The following DMD variants were observed in gnomAD, a reference collection of about 807,000 sequenced individuals.
The protein encoded by DMD is mutant dystrophin.
A neutral mutation model predicts 330.1 loss-of-function variants in DMD; 63 were observed. The observed-to-expected ratio is 0.19, with a 90% CI of 0.16 to 0.24. The LOEUF (loss-of-function observed/expected upper bound fraction) is 0.24, where lower values mean the gene tolerates loss of function less well. DMD is among the 10% of genes least tolerant of loss of function. The pLI is 1.00. For missense variants in DMD, 3,344 were observed against 2,684.1 expected (o/e 1.25, Z -5.43); for synonymous variants, 1,223 against 959.8 (o/e 1.27, Z -5.07).
intron 1 of DMD, among the ~76,000 whole-genome samples, chrX:33,049,842 A>G (rs1393157576): frequency 8.9e-6 from 1 of 111,933 alleles, no homozygotes; most frequent in Non-Finnish European, 1.9e-5. Flanking sequence ...GAACTAATCT[A>G]ATCACTTCTC....
intron 44 of DMD, among the ~76,000 whole-genome samples, chrX:32,074,448 A>G (rs151312520): frequency 2.7e-5 from 3 of 112,394 alleles, no homozygotes; most frequent in African/African-American, 9.7e-5. Context: ...AGCCTGTGTG[A>G]CAACTCGCAT....
intron 44 of DMD, among the ~76,000 whole-genome samples, chrX:32,062,832 A>T (rs1486793443): frequency 1.8e-5 from 2 of 110,609 alleles, no homozygotes; most frequent in Non-Finnish European, 3.8e-5. Flanking sequence ...ACAGAACCAA[A>T]AGCCAGTCCA....
chrX:33,213,238 T>C (rs2051984376), upstream of DMD, among the ~76,000 whole-genome samples: 1 of 111,735 alleles, frequency 8.9e-6, no homozygotes, highest in Admixed American at 9.6e-5. Context: ...AGATGTGTCC[T>C]GGGTAATGTC....
At chrX:31,646,050 AG>A (rs1279256149) in intron 54 of DMD, among the ~76,000 whole-genome samples, 1 of 112,142 alleles carries the variant, frequency 8.9e-6, no homozygotes, top group Non-Finnish European at 1.9e-5. Flanking sequence ...ACAACCACCA[AG>A]GTATCACCAA....
At chrX:31,134,525 C>T (rs765046919) in intron 76 of DMD, among the ~76,000 whole-genome samples, 95 of 107,966 alleles carry the variant, frequency 8.8e-4, no homozygotes, top group Non-Finnish European at 1.4e-3. Flanking sequence ...CAGGTTCAAA[C>T]GATTCTTCTG....
At chrX:32,877,603 G>C (rs758131413) in intron 2 of DMD, among the ~76,000 whole-genome samples, 2 of 111,653 alleles carry the variant, frequency 1.8e-5, no homozygotes, top group African/African-American at 3.3e-5. Context: ...ACACTTCTGC[G>C]TGCCCACCTC....
intron 64 of DMD, among the ~76,000 whole-genome samples, chrX:31,215,203 A>T (rs2045286434): frequency 9.2e-6 from 1 of 108,267 alleles, no homozygotes; most frequent in African/African-American, 3.4e-5. Flanking sequence ...GGCCTCCCGA[A>T]GTGCTGGGAT....
intron 43 of DMD, among the ~76,000 whole-genome samples, chrX:32,260,621 G>C (rs10521989): frequency 0.021 from 2,369 of 111,620 alleles, 59 homozygotes; most frequent in African/African-American, 0.072. Context: ...TGAAGCTGAA[G>C]CATTTTAATG....
At chrX:31,889,647 T>TCTCACACA (rs796563415) in intron 47 of DMD, among the ~76,000 whole-genome samples, 1,293 of 71,483 alleles carry the variant, frequency 0.018, 43 homozygotes, top group African/African-American at 0.07. Context: ...TCTCTCTCTC[T>TCTCACACA]CACACACACA....
chrX:31,209,355 A>T, intron 65 of DMD, 143 bp downstream of exon 65: 1 of 613,498 alleles, frequency 1.6e-6, no homozygotes, highest in Admixed American at 2.7e-5. Flanking sequence ...TTTTCAAGTC[A>T]TAAATGCAAA....
At chrX:32,063,297 T>C (rs183291212) in intron 44 of DMD, among the ~76,000 whole-genome samples, 148 of 110,488 alleles carry the variant, frequency 1.3e-3, no homozygotes, top group Non-Finnish European at 2.5e-3. Context: ...AGACAATCTA[T>C]CCTTTGGAGT....
chrX:31,765,167 T>C (rs766609895), intron 51 of DMD, among the ~76,000 whole-genome samples: 2 of 111,383 alleles, frequency 1.8e-5, no homozygotes, highest in African/African-American at 6.5e-5. Flanking sequence ...TCCCAAGTTA[T>C]TGAATAAAAA....
chrX:32,538,947 TC>T (rs2148923485), intron 17 of DMD, among the ~76,000 whole-genome samples: 1 of 110,795 alleles, frequency 9.0e-6, no homozygotes, highest in South Asian at 4.0e-4. Flanking sequence ...AATCTGCATT[TC>T]AAAGAAGGTC....
chrX:31,834,403 T>C (rs1395010625), intron 49 of DMD, among the ~76,000 whole-genome samples: 1 of 111,650 alleles, frequency 9.0e-6, no homozygotes, highest in Non-Finnish European at 1.9e-5. Context: ...AACCCCATAA[T>C]TCTCAAATCA....
intron 51 of DMD, among the ~76,000 whole-genome samples, chrX:31,734,492 G>A (rs770999498): frequency 1.8e-5 from 2 of 111,069 alleles, no homozygotes; most frequent in African/African-American, 6.5e-5. Flanking sequence ...TTTAGTTGTC[G>A]TATCTCCTTA....
intron 59 of DMD, among the ~76,000 whole-genome samples, chrX:31,453,783 A>AAAAAAAAAAAAAC (rs2065948889): frequency 9.5e-6 from 1 of 104,849 alleles, no homozygotes; most frequent in Non-Finnish European, 2.0e-5. Context: ...AAAAAAAAAA[A>AAAAAAAAAAAAAC]AAAAAAACCA....
intron 2 of DMD, among the ~76,000 whole-genome samples, chrX:32,878,719 T>C (rs1205823893): frequency 9.0e-6 from 1 of 110,643 alleles, no homozygotes; most frequent in East Asian, 2.9e-4. Flanking sequence ...GGATAAATCG[T>C]AATATTGGGG....
rs1180125671 is a variant in DMD at position 32,863,660 on chromosome X, A to T, written c.94-13840T>A. ...CAGTTCCAGGGAAATTGCAGAGAAG[A>T]AAAGTGATATTTAGGCTTCAGATCT... On this transcript the variant is annotated intron_variant, in intron 2 of 78. Coordinates refer to ENST00000357033, the MANE Select transcript of DMD (RefSeq NM_004006.3). 7.2e-5 allele frequency among the ~76,000 whole-genome samples: 8 copies of T among 110,694 alleles called. No homozygotes were observed. The Admixed American group carries it at 7.7e-4, about 11-fold the overall frequency.
chrX:31,351,157 T>C (rs79240033), intron 60 of DMD, among the ~76,000 whole-genome samples: 13 of 79,885 alleles, frequency 1.6e-4, no homozygotes, highest in African/African-American at 6.7e-4. Flanking sequence ...GACATACATA[T>C]ATACACACAC....
Sources: gnomAD v4.1 joint callset for allele counts (sites outside exome capture counted in the v4.1 genomes callset) on GRCh38, gnomAD v4.1.1 for gene constraint, MANE v1.5 for transcripts, NCBI Gene and HGNC (gene_info 2026-07-23, HGNC 2026-07-21) for gene names.